Variants in LAMC3 observed in about 807,000 individuals in gnomAD.
LAMC3 encodes the protein laminin subunit gamma 3.
LAMC3 carries 128 observed loss-of-function variants against 173.8 expected under a neutral mutation model. The ratio of observed to expected loss-of-function variants is 0.74; its 90% CI spans 0.64 to 0.85. The LOEUF (loss-of-function observed/expected upper bound fraction) is 0.85, where lower values mean the gene tolerates loss of function less well. Among genes scored for constraint, LAMC3 ranks in the 40% least tolerant of loss-of-function variants. LAMC3 has a pLI of 0.00. For missense variants in LAMC3, 2,022 were observed against 2,156.0 expected, an observed-to-expected ratio of 0.94 and a Z score of 1.23; for synonymous variants, 897 against 909.1, an observed-to-expected ratio of 0.99 and a Z score of 0.24.
At chr9:131,077,135 G>A in intron 21 of LAMC3, 52 bp from the exon 22 acceptor site, 1 of 1,608,800 alleles carries the variant, frequency 6.2e-7, no homozygotes, top group Non-Finnish European at 8.5e-7. Context: ...CCCAGACAGG[G>A]ATGGGGAGGG....
At position 131,026,135 on chromosome 9, in the gene LAMC3, T is replaced by G. The variant is rs1833710705; in HGVS notation, c.374-150T>G. On this transcript the variant is annotated intron_variant, in intron 1 of 27. Transcript: ENST00000361069. This position sits in a 1 kb window ranked among gnomAD's most constrained non-coding sequence, Gnocchi z 4.8. The stretch of plus-strand genomic sequence containing the variant: ...CCAGTGCCCCAGCAGGCATCATGAA[T>G]GGAGGGTGGCTTCCCCTGTCCAGAG... The G allele has an allele frequency of 6.8e-7, 1 of 1,475,048 alleles. No individual in the cohort carries two copies. The highest frequency in any genetic ancestry group is 9.2e-7 in the Non-Finnish European group (1 of 1,092,838). 91.4% of individuals were successfully genotyped at this position (1,475,048 alleles called of 1,614,324 possible).
chr9:131,061,161 C>T lies in LAMC3; in HGVS notation c.2285C>T (p.Ala762Val). The change falls in exon 13 of 28, where the codon GCC becomes GTC. Residue 762 changes from alanine (A) to valine (V), a missense_variant. Coordinates refer to ENST00000361069, the MANE Select transcript of LAMC3 (RefSeq NM_006059.4). ...CCCTGTCCCTGCCCTGGCCAGTCGG[C>T]CTGTACGACCATCCCAGAGAGCCGG... ...CQPCPCPGQS[A>V]CTTIPESREV... The T allele has an allele frequency of 1.2e-6, 2 of 1,612,672 alleles. No homozygotes were observed. The highest frequency in any genetic ancestry group is 1.7e-6 in the Non-Finnish European group (2 of 1,179,944).
chr9:131,074,924 G>T (rs940160540), intron 20 of LAMC3, among the ~76,000 whole-genome samples: 1 of 152,036 alleles, frequency 6.6e-6, no homozygotes, highest in Non-Finnish European at 1.5e-5. Flanking sequence ...ATATTGGGGT[G>T]ACTGTACAAT....
chr9:131,087,884 G>T, intron 27 of LAMC3, 67 bp downstream of exon 27: 1 of 1,232,848 alleles, frequency 8.1e-7, no homozygotes, highest in South Asian at 1.2e-5. Context: ...ATCTTCCTGT[G>T]AGCTCCAGTC....
At chr9:131,065,850 ATGGAG>A (rs1829923411) in intron 13 of LAMC3, among the ~76,000 whole-genome samples, 1 of 148,714 alleles carries the variant, frequency 6.7e-6, no homozygotes, top group Non-Finnish European at 1.5e-5. Flanking sequence ...GATGATGATG[ATGGAG>A]GAAGGTGATG....
At chr9:131,072,288 A>G (rs1309650376) in intron 18 of LAMC3, among the ~76,000 whole-genome samples, 1 of 152,236 alleles carries the variant, frequency 6.6e-6, no homozygotes, top group Non-Finnish European at 1.5e-5. Flanking sequence ...AATAGGGGCT[A>G]TCAGATACCG....
intron 15 of LAMC3, 81 bp from the exon 16 acceptor site, chr9:131,068,827 C>T: frequency 1.3e-6 from 2 of 1,543,946 alleles, no homozygotes; most frequent in East Asian, 2.3e-5. Flanking sequence ...GATCTGAGGC[C>T]CCAGCCAGCT....
chr9:131,084,039 A>ATTTT (rs34293977), intron 24 of LAMC3, among the ~76,000 whole-genome samples: 9 of 131,192 alleles, frequency 6.9e-5, no homozygotes, highest in African/African-American at 2.3e-4. Flanking sequence ...CACACCCGGC[A>ATTTT]TTTTTTTTTT....
intron 1 of LAMC3, among the ~76,000 whole-genome samples, chr9:131,024,184 C>T (rs1423208309): frequency 2.1e-5 from 3 of 140,956 alleles, no homozygotes; most frequent in Non-Finnish European, 4.5e-5. Context: ...CTTGCTCTGT[C>T]ACCCAGGCTG....
At position 131,009,623 on chromosome 9, in the gene LAMC3, G is replaced by C; in HGVS notation, c.373+36G>C. ...GCTGGGGGCACCGCCACCGCACCCC[G>C]TGTCCCCACTCCACTGGGGGTCTGA... is the stretch of plus-strand genomic sequence containing the variant. On this transcript the variant is annotated intron_variant, in intron 1 of 27. Coordinates refer to ENST00000361069, the MANE Select transcript of LAMC3 (RefSeq NM_006059.4). This position sits in a 1 kb window ranked among gnomAD's most constrained non-coding sequence, Gnocchi z 4.3. The C allele has an allele frequency of 6.4e-7, 1 of 1,551,738 alleles. No homozygotes were observed. Among genetic ancestry groups the C allele is most frequent in the Non-Finnish European group, 8.7e-7 (1 of 1,150,252 alleles).
chr9:131,043,277 C>T (rs1273874058), intron 7 of LAMC3, among the ~76,000 whole-genome samples: 2 of 152,240 alleles, frequency 1.3e-5, no homozygotes, highest in Admixed American at 6.5e-5. Context: ...AGCAGTGCGG[C>T]CAGCAGACAA....
chr9:131,047,165 C>CTGTTTTTTTTTTTTTTTTTTTTT (rs1834182707), intron 8 of LAMC3, among the ~76,000 whole-genome samples: 1 of 102,164 alleles, frequency 9.8e-6, no homozygotes, highest in African/African-American at 3.8e-5. Context: ...CTGAATTCCT[C>CTGTTTTTTTTTTTTTTTTTTTTT]TTTTTTTTTT....
chr9:131,036,415 T>TG, intron 4 of LAMC3, 83 bp downstream of exon 4: 1 of 1,519,314 alleles, frequency 6.6e-7, no homozygotes. Flanking sequence ...AACGTCGTGG[T>TG]GGGGGCTGCT....
intron 20 of LAMC3, among the ~76,000 whole-genome samples, chr9:131,074,446 A>G (rs1439633720): frequency 6.6e-6 from 1 of 151,966 alleles, no homozygotes; most frequent in Non-Finnish European, 1.5e-5. Flanking sequence ...CTGTAATCCC[A>G]GCACTTTGGG....
chr9:131,081,971 C>T (rs1016028306), intron 23 of LAMC3, 88 bp from the exon 24 acceptor site: 2 of 882,428 alleles, frequency 2.3e-6, no homozygotes, highest in East Asian at 2.6e-5. Flanking sequence ...TTTGGGCACC[C>T]ATGTATGTGG....
At chr9:131,069,159 A>C in intron 16 of LAMC3, 109 bp downstream of exon 16, 1 of 1,312,774 alleles carries the variant, frequency 7.6e-7, no homozygotes, top group Non-Finnish European at 1.1e-6. Flanking sequence ...ATCGTCAGAC[A>C]TGGGACAGGG....
intron 13 of LAMC3, among the ~76,000 whole-genome samples, chr9:131,063,247 C>T (rs1288048263): frequency 6.6e-6 from 1 of 152,224 alleles, no homozygotes; most frequent in African/African-American, 2.4e-5. Flanking sequence ...CCCTGCACCC[C>T]ACTGGCCGCC....
At chr9:131,020,191 G>C (rs193118346) in intron 1 of LAMC3, among the ~76,000 whole-genome samples, 3 of 152,332 alleles carry the variant, frequency 2.0e-5, no homozygotes, top group Admixed American at 2.0e-4. Flanking sequence ...TGCCCACCTC[G>C]AGCATCAGAA....
intron 4 of LAMC3, among the ~76,000 whole-genome samples, chr9:131,037,033 G>C (rs1833959128): frequency 6.6e-6 from 1 of 152,350 alleles, no homozygotes; most frequent in African/African-American, 2.4e-5. Context: ...GGACCCCGCT[G>C]TCCTCTTGGG....
Sources: gnomAD v4.1 joint callset for allele counts (sites outside exome capture counted in the v4.1 genomes callset) on GRCh38, gnomAD v4.1.1 for gene constraint, Gnocchi (gnomAD v3.1) non-coding constraint, MANE v1.5 for transcripts, NCBI Gene and HGNC (gene_info 2026-07-23, HGNC 2026-07-21) for gene names.